VTI1A: variants seen among roughly 807,000 people sequenced by gnomAD.
VTI1A encodes vesicle transport through interaction with t-SNAREs 1A, also known as vesicle transport through interaction with t-SNAREs homolog 1A.
Under a neutral mutation model 34.9 loss-of-function variants are expected in VTI1A, and 22 were observed. That is an observed-to-expected ratio of 0.63 (90% CI 0.45 to 0.90). The LOEUF is 0.90. Ranked by LOEUF, VTI1A falls within the 40% of genes least tolerant of loss-of-function variation. The probability of loss-of-function intolerance (pLI) is 0.00; values close to 1 mark genes in which losing one functional copy is unlikely to be tolerated. For missense variants in VTI1A, 268 were observed against 275.6 expected, an observed-to-expected ratio of 0.97 and a Z score of 0.20; for synonymous variants, 87 against 97.3, an observed-to-expected ratio of 0.89 and a Z score of 0.62.
At chr10:112,740,685 G>T (rs1041564546) in intron 7 of VTI1A, among the ~76,000 whole-genome samples, 1 of 152,198 alleles carries the variant, frequency 6.6e-6, no homozygotes, top group Non-Finnish European at 1.5e-5. Flanking sequence ...TGCTGACAAG[G>T]ATATGGAGAA....
intron 5 of VTI1A, among the ~76,000 whole-genome samples, chr10:112,645,280 A>G (rs1471280006): frequency 1.3e-5 from 2 of 152,244 alleles, no homozygotes; most frequent in African/African-American, 2.4e-5. Context: ...AAGGAAAAGT[A>G]CACTCCTCTT....
chr10:112,504,369 C>A (rs1849350817), intron 3 of VTI1A, among the ~76,000 whole-genome samples: 1 of 152,144 alleles, frequency 6.6e-6, no homozygotes, highest in South Asian at 2.1e-4. Context: ...TCTCCCCCAA[C>A]CCTGCTTTAA....
intron 7 of VTI1A, among the ~76,000 whole-genome samples, chr10:112,802,822 AAAG>A: frequency 6.6e-6 from 1 of 152,226 alleles, no homozygotes; most frequent in East Asian, 1.9e-4. Flanking sequence ...TCCAATGTCC[AAAG>A]AAGGACACTG....
chr10:112,787,286 CT>C (rs1309454380), intron 7 of VTI1A, among the ~76,000 whole-genome samples: 2 of 151,938 alleles, frequency 1.3e-5, no homozygotes, highest in African/African-American at 4.8e-5. Flanking sequence ...ATCTTCTTCC[CT>C]TTTTTCTTGG....
chr10:112,736,777 C>A, intron 7 of VTI1A: 1 of 1,516,682 alleles, frequency 6.6e-7, no homozygotes, highest in Non-Finnish European at 9.0e-7. Flanking sequence ...AGGCTTGAAC[C>A]AGAACCAGCC....
intron 4 of VTI1A, among the ~76,000 whole-genome samples, chr10:112,527,570 CT>C (rs1850278240): frequency 1.3e-5 from 2 of 152,042 alleles, no homozygotes; most frequent in Non-Finnish European, 2.9e-5. Flanking sequence ...TGAAAGTAAG[CT>C]TTCAAAATTC....
chr10:112,807,610 C>A (rs541732275), intron 7 of VTI1A, among the ~76,000 whole-genome samples: 1 of 151,888 alleles, frequency 6.6e-6, no homozygotes, highest in Non-Finnish European at 1.5e-5. Flanking sequence ...CCCAGCACTT[C>A]GGGGAGGCCA....
intron 5 of VTI1A, among the ~76,000 whole-genome samples, chr10:112,575,229 CT>C (rs1221618090): frequency 2.6e-5 from 4 of 152,306 alleles, no homozygotes; most frequent in African/African-American, 9.6e-5. Context: ...GCCTAAAAAT[CT>C]TTTTGCTTTC....
chr10:112,566,153 T>G (rs1851896716), intron 5 of VTI1A, among the ~76,000 whole-genome samples: 1 of 152,106 alleles, frequency 6.6e-6, no homozygotes, highest in African/African-American at 2.4e-5. Context: ...ATTAGTATGT[T>G]TTTTTCTAAT....
At chr10:112,620,533 G>A (rs146927192) in intron 5 of VTI1A, among the ~76,000 whole-genome samples, 191 of 152,250 alleles carry the variant, frequency 1.3e-3, no homozygotes, top group African/African-American at 4.2e-3. Context: ...GCTCACGTCT[G>A]TAATCCCAAA....
intron 3 of VTI1A, among the ~76,000 whole-genome samples, chr10:112,494,902 A>G (rs1848958336): frequency 6.6e-6 from 1 of 152,186 alleles, no homozygotes; most frequent in African/African-American, 2.4e-5. Context: ...ACCTGTGGAC[A>G]TTTTCTATAT....
At chr10:112,463,468 A>C (rs192962054) in intron 2 of VTI1A, among the ~76,000 whole-genome samples, 2 of 152,258 alleles carry the variant, frequency 1.3e-5, no homozygotes, top group Non-Finnish European at 2.9e-5. Flanking sequence ...ACATTAAGAA[A>C]CCTGTTCCAG....
At chr10:112,682,133 T>C (rs1848236937) in intron 7 of VTI1A, among the ~76,000 whole-genome samples, 1 of 152,200 alleles carries the variant, frequency 6.6e-6, no homozygotes, top group Non-Finnish European at 1.5e-5. Context: ...AAGAACATTT[T>C]ATTTATTCAC....
At chr10:112,518,460 G>A (rs1311548958) in intron 3 of VTI1A, among the ~76,000 whole-genome samples, 1 of 151,406 alleles carries the variant, frequency 6.6e-6, no homozygotes, top group East Asian at 1.9e-4. Flanking sequence ...TGTAACCCCA[G>A]CACTTTGGGA....
At chr10:112,791,412 A>G (rs1256877589) in intron 7 of VTI1A, among the ~76,000 whole-genome samples, 2 of 152,142 alleles carry the variant, frequency 1.3e-5, no homozygotes, top group South Asian at 2.1e-4. Flanking sequence ...TTCTCTCTAT[A>G]TATTCTTTTT....
intron 3 of VTI1A, among the ~76,000 whole-genome samples, chr10:112,511,586 T>G (rs909811501): frequency 6.6e-6 from 1 of 152,100 alleles, no homozygotes; most frequent in Non-Finnish European, 1.5e-5. Context: ...AGTGTTCAAT[T>G]CAGGTTATTT....
intron 7 of VTI1A, among the ~76,000 whole-genome samples, chr10:112,675,637 GAAT>G (rs1207263760): frequency 6.6e-6 from 1 of 152,196 alleles, no homozygotes; most frequent in Non-Finnish European, 1.5e-5. Context: ...TGCAGCAGAA[GAAT>G]CTATAATCTC....
At chr10:112,496,421 A>G (rs1849030237) in intron 3 of VTI1A, among the ~76,000 whole-genome samples, 1 of 151,932 alleles carries the variant, frequency 6.6e-6, no homozygotes, top group African/African-American at 2.4e-5. Flanking sequence ...AATATGAAAA[A>G]TTAGCCAGGC....
At chr10:112,563,661 A>T (rs1851808512) in intron 5 of VTI1A, among the ~76,000 whole-genome samples, 1 of 152,220 alleles carries the variant, frequency 6.6e-6, no homozygotes, top group Non-Finnish European at 1.5e-5. Context: ...CAACAATGAA[A>T]GACTGTCTCT....
Sources: gnomAD v4.1 joint callset for allele counts (sites outside exome capture counted in the v4.1 genomes callset) on GRCh38, gnomAD v4.1.1 for gene constraint, MANE v1.5 for transcripts, NCBI Gene and HGNC (gene_info 2026-07-23, HGNC 2026-07-21) for gene names.